Variants in RUFY3 observed in about 807,000 individuals in gnomAD.
RUFY3 encodes the protein protein RUFY3.
Under a neutral mutation model 84.0 loss-of-function variants are expected in RUFY3, and 34 were observed. The observed-to-expected ratio is 0.40, with a 90% CI of 0.31 to 0.54. The LOEUF (loss-of-function observed/expected upper bound fraction) is 0.54. Ranked by LOEUF, RUFY3 falls within the 20% of genes least tolerant of loss-of-function variation. The pLI is 0.39. For missense variants in RUFY3, 507 were observed against 736.8 expected (o/e 0.69, Z 3.61); for synonymous variants, 242 against 252.9 (o/e 0.96, Z 0.41).
At position 70,806,721 on chromosome 4, in the gene RUFY3, CTG is replaced by C; in HGVS notation, c.*64_*65del. ...AGGCTCCTCTGTACCTGTGTTTTAG[CTG>C]TCAGGATCTCATAGAGCCCAGTTCT... is the stretch of plus-strand genomic sequence containing the variant. On this transcript the variant is annotated 3_prime_UTR_variant, in exon 18 of 18. Coordinates refer to ENST00000381006, the MANE Select transcript of RUFY3 (RefSeq NM_001037442.4). 1 of 1,582,240 alleles carries C rather than the reference CTG, an allele frequency of 6.3e-7. No homozygotes were observed. Among genetic ancestry groups the C allele is most frequent in the South Asian group, 1.1e-5 (1 of 87,998 alleles).
chr4:70,760,245 A>G (rs1724793210), intron 1 of RUFY3, among the ~76,000 whole-genome samples: 1 of 152,238 alleles, frequency 6.6e-6, no homozygotes. Context: ...ATGGGTTGGT[A>G]TAAATCTATC....
intron 9 of RUFY3, among the ~76,000 whole-genome samples, chr4:70,783,492 T>TAA: frequency 6.6e-6 from 1 of 152,372 alleles, no homozygotes; most frequent in South Asian, 2.1e-4. Context: ...AACATACTAT[T>TAA]ACTTTTATAG....
chr4:70,738,876 G>T (rs1393827397), intron 1 of RUFY3, among the ~76,000 whole-genome samples: 1 of 151,930 alleles, frequency 6.6e-6, no homozygotes, highest in Non-Finnish European at 1.5e-5. Flanking sequence ...GGCCTCAAGA[G>T]ATCCTCCTGT....
chr4:70,724,452 C>T (rs959655283), intron 1 of RUFY3, among the ~76,000 whole-genome samples: 2 of 152,138 alleles, frequency 1.3e-5, no homozygotes, highest in Non-Finnish European at 2.9e-5. Flanking sequence ...TATGGATAAG[C>T]AAAAGTGAGC....
At chr4:70,782,966 G>A (rs186823501) in intron 8 of RUFY3, 125 bp from the exon 9 acceptor site, 2 of 622,992 alleles carry the variant, frequency 3.2e-6, no homozygotes, top group South Asian at 2.3e-5. Context: ...TTTTTATTGG[G>A]TTATAGCTTC....
intron 8 of RUFY3, 47 bp downstream of exon 8, chr4:70,778,485 T>C (rs527848213): frequency 2.0e-6 from 2 of 1,008,800 alleles, no homozygotes; most frequent in Admixed American, 1.8e-5. Context: ...TTAATATGCA[T>C]TAGTAGAACC....
rs1725370388 is a variant in RUFY3, at chr4:70,763,489, G to A, written c.353-63G>A. On this transcript the variant is annotated intron_variant, in intron 2 of 17. Transcript: ENST00000381006. ...AAAAGTTGTGTGTGTATGTGTGTGT[G>A]TATTGAGAGTGCGCTTATGTTGTAA... 8 of 1,241,576 alleles carry A rather than the reference G, an allele frequency of 6.4e-6. No individual in the cohort carries two copies. In the South Asian group the frequency reaches 9.3e-5, roughly 14 times the overall value. The allele number at this position is 1,241,576 out of a possible 1,614,324, so 76.9% of individuals were successfully genotyped here.
At chr4:70,747,961 T>G (rs1229676100) in intron 1 of RUFY3, among the ~76,000 whole-genome samples, 1 of 152,218 alleles carries the variant, frequency 6.6e-6, no homozygotes, top group Non-Finnish European at 1.5e-5. Context: ...CATTTCCCTT[T>G]ATAGCACACT....
chr4:70,797,363 C>T (rs1731655182), intron 14 of RUFY3, among the ~76,000 whole-genome samples: 1 of 152,184 alleles, frequency 6.6e-6, no homozygotes, highest in Non-Finnish European at 1.5e-5. Context: ...GAAGTCCATG[C>T]ACAGTCTTTT....
intron 1 of RUFY3, among the ~76,000 whole-genome samples, chr4:70,724,843 A>G (rs1015885225): frequency 2.6e-5 from 4 of 152,176 alleles, no homozygotes; most frequent in Admixed American, 2.0e-4. Flanking sequence ...AGAAATACCC[A>G]CTTTTATGTT....
chr4:70,706,126 C>T (rs769838885), intron 1 of RUFY3, among the ~76,000 whole-genome samples: 13 of 152,092 alleles, frequency 8.5e-5, no homozygotes, highest in Admixed American at 6.5e-5. Context: ...AATATAAGGA[C>T]TCTTAGAGGA....
chr4:70,710,010 A>G (rs1740792821), intron 1 of RUFY3, among the ~76,000 whole-genome samples: 1 of 152,228 alleles, frequency 6.6e-6, no homozygotes, highest in Non-Finnish European at 1.5e-5. Context: ...TACCCACTAC[A>G]AAGTTGAGTA....
intron 7 of RUFY3, among the ~76,000 whole-genome samples, chr4:70,775,815 G>A (rs753390337): frequency 1.1e-4 from 16 of 152,088 alleles, no homozygotes; most frequent in Admixed American, 2.0e-4. Flanking sequence ...GCATGTGCCT[G>A]TAGTCCCAGC....
chr4:70,747,510 A>C (rs991592306), intron 1 of RUFY3, among the ~76,000 whole-genome samples: 7 of 152,062 alleles, frequency 4.6e-5, no homozygotes, highest in South Asian at 2.1e-4. Flanking sequence ...AAAAAAAAAA[A>C]AACAAATTCC....
chr4:70,710,228 A>T (rs1740816798), intron 1 of RUFY3, among the ~76,000 whole-genome samples: 1 of 152,220 alleles, frequency 6.6e-6, no homozygotes, highest in African/African-American at 2.4e-5. Context: ...AAGTATACAG[A>T]TATGTATATA....
At chr4:70,793,480 T>A in intron 12 of RUFY3, 1 of 1,172,206 alleles carries the variant, frequency 8.5e-7, no homozygotes, top group Non-Finnish European at 1.1e-6. Flanking sequence ...GATATGGATT[T>A]TCTAAAAAGT....
intron 1 of RUFY3, among the ~76,000 whole-genome samples, chr4:70,712,334 A>G (rs569128275): frequency 1.8e-4 from 28 of 152,340 alleles, no homozygotes; most frequent in African/African-American, 6.5e-4. Flanking sequence ...GAATGAATTC[A>G]TATTCCTCAA....
intron 4 of RUFY3, among the ~76,000 whole-genome samples, chr4:70,766,701 T>C (rs1197490880): frequency 2.6e-5 from 4 of 152,194 alleles, no homozygotes; most frequent in African/African-American, 9.6e-5. Flanking sequence ...GTACATTTGT[T>C]ACAATTGATG....
intron 8 of RUFY3, among the ~76,000 whole-genome samples, chr4:70,778,640 C>T (rs1048972669): frequency 4.5e-5 from 6 of 133,542 alleles, no homozygotes; most frequent in Admixed American, 3.6e-4. Flanking sequence ...AGTGCAGTGG[C>T]GCGATCTTGG....
Sources: gnomAD v4.1 joint callset for allele counts (sites outside exome capture counted in the v4.1 genomes callset) on GRCh38, gnomAD v4.1.1 for gene constraint, MANE v1.5 for transcripts, NCBI Gene and HGNC (gene_info 2026-07-23, HGNC 2026-07-21) for gene names.